Variants in NRXN1 observed in about 807,000 individuals in gnomAD.
NRXN1 encodes neurexin-1.
A neutral mutation model predicts 150.9 loss-of-function variants in NRXN1; 39 were observed. The observed-to-expected ratio is 0.26, with a 90% CI of 0.20 to 0.34. The LOEUF is 0.34. Among genes scored for constraint, NRXN1 ranks in the 10% least tolerant of loss-of-function variants. The pLI, the probability that NRXN1 is intolerant of heterozygous loss-of-function variation, is 1.00. For missense variants in NRXN1, 1,815 were observed against 1,949.9 expected (o/e 0.93, Z 1.30); for synonymous variants, 924 against 757.0 (o/e 1.22, Z -3.62).
intron 17 of NRXN1, among the ~76,000 whole-genome samples, chr2:50,463,726 G>T (rs2088500894): frequency 6.6e-6 from 1 of 151,592 alleles, no homozygotes; most frequent in Admixed American, 6.6e-5. Context: ...TATTTAACTG[G>T]TATATGAGGA....
intron 5 of NRXN1, among the ~76,000 whole-genome samples, chr2:50,756,253 G>T (rs1701145741): frequency 6.6e-6 from 1 of 151,472 alleles, no homozygotes; most frequent in Non-Finnish European, 1.5e-5. Context: ...TCTAGGTATG[G>T]CTTCACCTAA....
At chr2:50,634,443 A>G (rs1303428378) in intron 5 of NRXN1, among the ~76,000 whole-genome samples, 2 of 152,212 alleles carry the variant, frequency 1.3e-5, no homozygotes, top group Admixed American at 1.3e-4. Flanking sequence ...TTTATAGGGT[A>G]GTTGTAAGGA....
intron 21 of NRXN1, among the ~76,000 whole-genome samples, chr2:50,002,242 C>A (rs890448993): frequency 6.6e-6 from 1 of 152,024 alleles, no homozygotes; most frequent in Non-Finnish European, 1.5e-5. Context: ...ATTCATTACA[C>A]AGCATAGAAA....
chr2:50,665,593 C>T (rs778518835), intron 5 of NRXN1, among the ~76,000 whole-genome samples: 12 of 152,036 alleles, frequency 7.9e-5, no homozygotes, highest in South Asian at 2.1e-4. Context: ...TCTCTTCAAC[C>T]GACTCTGCAA....
At chr2:50,327,051 T>C (rs2076432071) in intron 17 of NRXN1, among the ~76,000 whole-genome samples, 1 of 152,214 alleles carries the variant, frequency 6.6e-6, no homozygotes, top group Non-Finnish European at 1.5e-5. Context: ...CTTTCCACTT[T>C]TAATATATGC....
intron 17 of NRXN1, among the ~76,000 whole-genome samples, chr2:50,322,048 A>C (rs1194285853): frequency 1.3e-5 from 2 of 151,732 alleles, no homozygotes; most frequent in Non-Finnish European, 2.9e-5. Context: ...AAAAAAAAAA[A>C]AAAACAGTCT....
intron 17 of NRXN1, among the ~76,000 whole-genome samples, chr2:50,456,820 T>C (rs1450232296): frequency 2.6e-5 from 4 of 152,136 alleles, no homozygotes; most frequent in Non-Finnish European, 4.4e-5. Context: ...AAGACCTTCA[T>C]AGGCCACACT....
intron 5 of NRXN1, among the ~76,000 whole-genome samples, chr2:50,748,879 C>T (rs1700277380): frequency 6.6e-6 from 1 of 152,038 alleles, no homozygotes; most frequent in Non-Finnish European, 1.5e-5. Flanking sequence ...CAGTGAGTGT[C>T]TGGTTTCGGT....
intron 5 of NRXN1, among the ~76,000 whole-genome samples, chr2:50,669,270 A>C (rs933606438): frequency 6.6e-6 from 1 of 151,962 alleles, no homozygotes; most frequent in Non-Finnish European, 1.5e-5. Flanking sequence ...GGTAGCAAAA[A>C]ACAGTTGAAA....
chr2:50,974,384 C>G (rs899269415), intron 2 of NRXN1, among the ~76,000 whole-genome samples: 3 of 152,272 alleles, frequency 2.0e-5, no homozygotes, highest in African/African-American at 7.2e-5. Context: ...TGTGCCTTTT[C>G]AAGCTTACAC....
At position 49,949,507 on chromosome 2, in the gene NRXN1, A is replaced by G. The variant is rs148618975; in HGVS notation, c.4129-5716T>C. Among the ~76,000 whole-genome samples the G allele has an allele frequency of 3.0e-3, 454 of 152,074 alleles. 3 individuals are homozygous for G. Among genetic ancestry groups the G allele is most frequent in the African/African-American group, 0.011 (440 of 41,538 alleles). On this transcript the variant is annotated intron_variant, in intron 21 of 22. Transcript: ENST00000401669. ...CTTTCCTGAAGACTAATATATTCCA[A>G]TGAAGACGCTTACAGAAAACTATAC...
At chr2:50,602,800 A>C (rs1676493545) in intron 8 of NRXN1, among the ~76,000 whole-genome samples, 1 of 152,206 alleles carries the variant, frequency 6.6e-6, no homozygotes, top group Non-Finnish European at 1.5e-5. Context: ...TGGCATTTTA[A>C]TGTCCTCCCA....
chr2:50,819,240 T>C (rs1445237651), intron 5 of NRXN1, among the ~76,000 whole-genome samples: 1 of 152,176 alleles, frequency 6.6e-6, no homozygotes, highest in Admixed American at 6.5e-5. Flanking sequence ...TCTGTGTTCG[T>C]TGCAGCATTA....
chr2:50,144,309 C>T (rs886504387), intron 18 of NRXN1, among the ~76,000 whole-genome samples: 3 of 151,758 alleles, frequency 2.0e-5, no homozygotes, highest in African/African-American at 7.3e-5. Flanking sequence ...CCTACCTGAG[C>T]CTTGCCCACG....
intron 2 of NRXN1, among the ~76,000 whole-genome samples, chr2:50,988,914 C>T (rs1698122968): frequency 6.6e-6 from 1 of 151,944 alleles, no homozygotes; most frequent in Non-Finnish European, 1.5e-5. Flanking sequence ...AGATCACGGA[C>T]TCCTGCCTTT....
chr2:51,016,196 G>C (rs953695391), intron 2 of NRXN1, among the ~76,000 whole-genome samples: 1 of 152,034 alleles, frequency 6.6e-6, no homozygotes, highest in Non-Finnish European at 1.5e-5. Context: ...ACACAGACAT[G>C]GGCAAAGATT....
In NRXN1 at chr2:50,172,628, T is replaced by C. The variant is rs373008218; in HGVS notation, c.3546+64161A>G. Among the ~76,000 whole-genome samples, 48 of 152,326 alleles carry C rather than the reference T, an allele frequency of 3.2e-4. No individual in the cohort carries two copies. The East Asian group carries it at 6.0e-3, about 19-fold the overall frequency. ...AACATCTGGCTTTCCCAAAACTCAA[T>C]TTTTCTGTAACTCATTCATTTTTTA... is the stretch of plus-strand genomic sequence containing the variant. On this transcript the variant is annotated intron_variant, in intron 18 of 22. Coordinates refer to ENST00000401669, the MANE Select transcript of NRXN1 (RefSeq NM_001330078.2).
chr2:50,462,273 A>C (rs1426291902), intron 17 of NRXN1, among the ~76,000 whole-genome samples: 2 of 151,912 alleles, frequency 1.3e-5, no homozygotes, highest in African/African-American at 4.8e-5. Flanking sequence ...ATAGGTAACT[A>C]TAAGGAAAAA....
intron 12 of NRXN1, among the ~76,000 whole-genome samples, chr2:50,510,502 A>AC (rs1162110208): frequency 6.7e-6 from 1 of 149,294 alleles, no homozygotes; most frequent in East Asian, 1.9e-4. Flanking sequence ...AAAAAAAAAA[A>AC]AAAAAAAAAA....
Sources: gnomAD v4.1 joint callset for allele counts (sites outside exome capture counted in the v4.1 genomes callset) on GRCh38, gnomAD v4.1.1 for gene constraint, MANE v1.5 for transcripts, NCBI Gene and HGNC (gene_info 2026-07-23, HGNC 2026-07-21) for gene names.